BMPR1A: variants seen among roughly 807,000 people sequenced by gnomAD.
BMPR1A encodes bone morphogenetic protein receptor type-1A.
A neutral mutation model predicts 66.0 loss-of-function variants in BMPR1A; 7 were observed. That is an observed-to-expected ratio of 0.11 (90% CI 0.06 to 0.20). The LOEUF is 0.20. Among genes scored for constraint, BMPR1A ranks in the 10% least tolerant of loss-of-function variants. The pLI is 1.00. For missense variants in BMPR1A, 408 were observed against 669.1 expected (o/e 0.61, Z 4.31); for synonymous variants, 200 against 229.7 (o/e 0.87, Z 1.17).
downstream of BMPR1A, chr10:86,931,298 C>CACACATATATATATATATATAT: frequency 1.5e-4 from 14 of 90,886 alleles, no homozygotes; most frequent in African/African-American, 7.8e-4. Flanking sequence ...CACACACACA[C>CACACATATATATATATATATAT]ATATATATAT....
At chr10:86,856,133 A>C in intron 2 of BMPR1A, 1 of 520,384 alleles carries the variant, frequency 1.9e-6, no homozygotes, top group Non-Finnish European at 3.8e-6. Context: ...TTGAAATTTT[A>C]TATTTAATTC....
In BMPR1A at chr10:86,925,326, A is replaced by T. The variant is rs1843724859; in HGVS notation, c.*1607A>T. The T allele has an allele frequency of 9.0e-6, 2 of 221,308 alleles. No homozygotes were observed. Among genetic ancestry groups the T allele is most frequent in the African/African-American group, 2.2e-5 (1 of 44,736 alleles). 13.7% of individuals were successfully genotyped at this position (221,308 alleles called of 1,614,324 possible). ...TTGATTATAACATAAAATAAATGTG[A>T]TTATATCACATCATCATCAAAAAGG... On this transcript the variant is annotated 3_prime_UTR_variant, in exon 13 of 13. Transcript: ENST00000372037.
chr10:86,833,546 C>A (rs979671240), intron 1 of BMPR1A, among the ~76,000 whole-genome samples: 2 of 152,158 alleles, frequency 1.3e-5, no homozygotes, highest in African/African-American at 4.8e-5. Flanking sequence ...TTTTAAACTT[C>A]GGCAATTGGG....
chr10:86,876,119 G>T, intron 3 of BMPR1A, 34 bp downstream of exon 3: 1 of 1,564,664 alleles, frequency 6.4e-7, no homozygotes, highest in Non-Finnish European at 8.8e-7. Flanking sequence ...ATGTATGTGT[G>T]TATATAAAAA....
At chr10:86,838,340 A>G (rs1438879041) in intron 1 of BMPR1A, among the ~76,000 whole-genome samples, 1 of 152,242 alleles carries the variant, frequency 6.6e-6, no homozygotes, top group African/African-American at 2.4e-5. Flanking sequence ...ACGGTAGTTT[A>G]GACCTATTCC....
chr10:86,762,236 G>A (rs1274533805), intron 1 of BMPR1A, among the ~76,000 whole-genome samples: 1 of 152,210 alleles, frequency 6.6e-6, no homozygotes, highest in Non-Finnish European at 1.5e-5. Flanking sequence ...TTTCAGGCAG[G>A]TGCATATATC....
At chr10:86,855,785 G>T in intron 2 of BMPR1A, 1 of 1,146,058 alleles carries the variant, frequency 8.7e-7, no homozygotes, top group Non-Finnish European at 1.2e-6. Context: ...TCTAATACTT[G>T]TTGAATTTGG....
chr10:86,857,032 C>T lies in BMPR1A; in HGVS notation c.-153+18053C>T, dbSNP rs545460342. 3.3e-5 allele frequency among the ~76,000 whole-genome samples: 5 copies of T among 152,314 alleles called. No individual in the cohort carries two copies. In the East Asian group the frequency reaches 5.8e-4, roughly 18 times the overall value. On this transcript the variant is annotated intron_variant, in intron 2 of 12. Transcript: ENST00000372037. ...GGATCAGGGTATGTCACCCTCTTGA[C>T]ACATCAGTATGCTCACCAATGAGGA...
At chr10:86,915,342 A>G (rs1381010914) in intron 8 of BMPR1A, among the ~76,000 whole-genome samples, 1 of 152,100 alleles carries the variant, frequency 6.6e-6, no homozygotes, top group Non-Finnish European at 1.5e-5. Flanking sequence ...AAAAGTGAGA[A>G]TTTTTTTACG....
chr10:86,797,203 T>TA (rs1394963516), intron 1 of BMPR1A, among the ~76,000 whole-genome samples: 4 of 149,404 alleles, frequency 2.7e-5, no homozygotes, highest in Non-Finnish European at 4.4e-5. Flanking sequence ...CAGCTGGGAT[T>TA]ACAGGCGCCT....
intron 8 of BMPR1A, among the ~76,000 whole-genome samples, chr10:86,916,897 G>T (rs1006492694): frequency 6.6e-6 from 1 of 152,000 alleles, no homozygotes; most frequent in Non-Finnish European, 1.5e-5. Context: ...GGAGGCTGAG[G>T]CAGGAGAATC....
chr10:86,890,508 T>G (rs1327832158), intron 4 of BMPR1A, among the ~76,000 whole-genome samples: 7 of 152,100 alleles, frequency 4.6e-5, no homozygotes, highest in Non-Finnish European at 1.0e-4. Context: ...AATCTTAAAT[T>G]TATTGATGCT....
In BMPR1A at chr10:86,900,031, G is replaced by T. The variant is rs11818239; in HGVS notation, c.435G>T (p.Pro145=). Residue 145 remains proline (P), a synonymous_variant, in exon 7 of 13, where the codon CCG becomes CCT. Coordinates refer to ENST00000372037, the MANE Select transcript of BMPR1A (RefSeq NM_004329.3). ...QPTLPPVVIG[P]FFDGSIRWLV... is the part of the protein sequence containing the mutation. ...ATTGTTTACTTTTATTGTCAGGTCC[G>T]TTTTTTGATGGCAGCATTCGATGGC... The T allele has an allele frequency of 6.2e-7, 1 of 1,614,072 alleles. No homozygotes were observed. The highest frequency in any genetic ancestry group is 1.7e-5 in the Admixed American group (1 of 60,024).
chr10:86,831,352 A>G (rs575638004), intron 1 of BMPR1A, among the ~76,000 whole-genome samples: 3 of 152,212 alleles, frequency 2.0e-5, no homozygotes, highest in Non-Finnish European at 4.4e-5. Context: ...ATATAAAAAG[A>G]TATATCTCAT....
chr10:86,900,234 T>A, intron 7 of BMPR1A, 108 bp downstream of exon 7: 1 of 1,043,792 alleles, frequency 9.6e-7, no homozygotes. Context: ...TCTGGTTGTA[T>A]ATCTCCTTTA....
intron 2 of BMPR1A, among the ~76,000 whole-genome samples, chr10:86,846,925 C>T (rs1024118729): frequency 2.6e-5 from 4 of 152,126 alleles, no homozygotes; most frequent in Non-Finnish European, 4.4e-5. Flanking sequence ...TTAAGCTTAG[C>T]GGATTTACTT....
intron 1 of BMPR1A, among the ~76,000 whole-genome samples, chr10:86,758,412 G>GT (rs1472431976): frequency 6.7e-6 from 1 of 149,680 alleles, no homozygotes; most frequent in African/African-American, 2.5e-5. Flanking sequence ...ACACCTTGGG[G>GT]TTTTTTTCCT....
At chr10:86,860,842 T>G (rs1589750440) in intron 2 of BMPR1A, among the ~76,000 whole-genome samples, 2 of 131,872 alleles carry the variant, frequency 1.5e-5, no homozygotes. Flanking sequence ...GCCATAGAAC[T>G]TTTTTTTTTT....
At chr10:86,757,989 G>T (rs924965437) in intron 1 of BMPR1A, among the ~76,000 whole-genome samples, 1 of 152,174 alleles carries the variant, frequency 6.6e-6, no homozygotes, top group Non-Finnish European at 1.5e-5. Context: ...CTACTTTATT[G>T]TATTTACTTG....
Sources: allele counts gnomAD v4.1 joint callset (sites outside exome capture counted in the v4.1 genomes callset), GRCh38; gene constraint gnomAD v4.1.1; transcripts MANE v1.5; gene names NCBI Gene and HGNC (gene_info 2026-07-23, HGNC 2026-07-21).